The following NCAPG variants were observed in gnomAD, a reference collection of about 807,000 sequenced individuals.
NCAPG encodes non-SMC condensin I complex subunit G.
Under a neutral mutation model 113.1 loss-of-function variants are expected in NCAPG, and 69 were observed. The observed-to-expected ratio is 0.61, with a 90% CI of 0.50 to 0.75. The LOEUF (loss-of-function observed/expected upper bound fraction) is 0.75. Among genes scored for constraint, NCAPG ranks in the 30% least tolerant of loss-of-function variants. The pLI is 0.00. For missense variants in NCAPG, 1,058 were observed against 1,177.0 expected, an observed-to-expected ratio of 0.90 and a Z score of 1.48; for synonymous variants, 370 against 415.8, an observed-to-expected ratio of 0.89 and a Z score of 1.34.
At chr4:17,816,630 C>T (rs1224335185) in intron 5 of NCAPG, among the ~76,000 whole-genome samples, 1 of 152,116 alleles carries the variant, frequency 6.6e-6, no homozygotes, top group African/African-American at 2.4e-5. Context: ...AAATAGCAAT[C>T]GTGTAATAGA....
rs1044877138 is a variant in NCAPG, at chr4:17,844,273, C to A, written c.*848C>A. ...TGAAATTGACACTTGGCCTGACTTA[C>A]GAAACTTGTACTATATGAAATTGGT... On this transcript the variant is annotated 3_prime_UTR_variant, in exon 21 of 21. Transcript: ENST00000251496. 14 of 152,308 alleles carry A rather than the reference C, an allele frequency of 9.2e-5. No individual in the cohort carries two copies. Among genetic ancestry groups the A allele is most frequent in the African/African-American group, 3.1e-4 (13 of 41,428 alleles). 9.4% of individuals were successfully genotyped at this position (152,308 alleles called of 1,614,324 possible).
chr4:17,812,325 A>C lies in NCAPG; in HGVS notation c.216A>C (p.Ala72=). 6.2e-7 allele frequency: 1 copy of C among 1,613,834 alleles called. No homozygotes were observed. Among genetic ancestry groups the C allele is most frequent in the Non-Finnish European group, 8.5e-7 (1 of 1,179,838 alleles). The change falls in exon 2 of 21, where the codon GCA becomes GCC. Residue 72 remains alanine (A), a synonymous_variant. Coordinates refer to ENST00000251496, the MANE Select transcript of NCAPG (RefSeq NM_022346.5). ...CTGTGGAGAGGGTAATAGAATTTGC[A>C]GCAAAGTTTGTTACCTCATTTCACC... ...EPAVERVIEF[A]AKFVTSFHQS...
At position 17,843,485 on chromosome 4, in the gene NCAPG, A is replaced by C; in HGVS notation, c.*60A>C. On this transcript the variant is annotated 3_prime_UTR_variant, in exon 21 of 21. Transcript: ENST00000251496. ...GTCCAGTTATTTGCTTTAATAAAGA[A>C]GAAGTTACCCTTGTCAAAATCAGAA... 6.4e-7 allele frequency: 1 copy of C among 1,571,968 alleles called. No homozygotes were observed. The highest frequency in any genetic ancestry group is 8.7e-7 in the Non-Finnish European group (1 of 1,152,522).
Position 17,811,051 on chromosome 4 carries a change from G to T in NCAPG, c.-27G>T. The T allele has an allele frequency of 1.4e-6, 2 of 1,411,636 alleles. No individual in the cohort carries two copies. Among genetic ancestry groups the T allele is most frequent in the South Asian group, 1.4e-5 (1 of 72,106 alleles). 87.4% of individuals were successfully genotyped at this position (1,411,636 alleles called of 1,614,324 possible). ...GCAGGCTGTAGCCGAGCGCGGGCAG[G>T]ACTCGTCCCGGCAGGGTTCCAGAGC... On this transcript the variant is annotated 5_prime_UTR_variant, in exon 1 of 21. Transcript: ENST00000251496. This position sits in a 1 kb window ranked among gnomAD's most constrained non-coding sequence, Gnocchi z 5.3.
At position 17,817,975 on chromosome 4, in the gene NCAPG, T is replaced by G; in HGVS notation, c.1005T>G (p.Ile335Met). Residue 335 changes from isoleucine to methionine, a missense_variant, in exon 7 of 21, where the codon ATT becomes ATG. By Grantham distance (10) the Ile-to-Met change is conservative (BLOSUM62 1). Transcript: ENST00000251496. ...CAGTGGAAACATTAACTCCTGAAATTGCTTTGTATTGGTGTGCCCTTTGTG... is the reference window on the plus strand; with the variant it reads ...CAGTGGAAACATTAACTCCTGAAATGGCTTTGTATTGGTGTGCCCTTTGTG... ...LIPVETLTPE[I>M]ALYWCALCEY... is the part of the protein sequence containing the mutation. 2 of 1,605,194 alleles carry G rather than the reference T, an allele frequency of 1.2e-6. No homozygotes were observed. The highest frequency in any genetic ancestry group is 1.7e-6 in the Non-Finnish European group (2 of 1,177,654).
Position 17,814,812 on chromosome 4 carries a change from A to C in NCAPG, c.545-41A>C, listed in dbSNP as rs369489113. The C allele has an allele frequency of 4.5e-6, 7 of 1,572,114 alleles. No homozygotes were observed. In the African/African-American group the frequency reaches 8.1e-5, roughly 18 times the overall value. On this transcript the variant is annotated intron_variant, in intron 3 of 20. Transcript: ENST00000251496. The stretch of plus-strand genomic sequence containing the variant: ...GTTATTTTATGACTGTAGTTAAATA[A>C]ATAATTTCATCAGTACTAAAATGTA...
chr4:17,824,817 T>C, intron 9 of NCAPG, 151 bp from the exon 10 acceptor site: 1 of 496,180 alleles, frequency 2.0e-6, no homozygotes, highest in Non-Finnish European at 3.5e-6. Flanking sequence ...TCTAAAATTG[T>C]CTAGCAAACA....
In NCAPG at chr4:17,813,162, A is replaced by G. The variant is rs763377593; in HGVS notation, c.544+17A>G. On this transcript the variant is annotated intron_variant, in intron 3 of 20. Transcript: ENST00000251496. ...TGGTTAATGGTGTGTGTAGTTTCCT[A>G]AATCTTTTTTCAGATTTGTTGATTT... 6.4e-7 allele frequency: 1 copy of G among 1,567,282 alleles called. No homozygotes were observed. Among genetic ancestry groups the G allele is most frequent in the African/African-American group, 1.4e-5 (1 of 72,414 alleles).
chr4:17,824,754 C>T (rs1721591097), intron 9 of NCAPG, among the ~76,000 whole-genome samples: 1 of 151,844 alleles, frequency 6.6e-6, no homozygotes, highest in African/African-American at 2.4e-5. Flanking sequence ...TATTTCCCTT[C>T]CATTCAAATA....
intron 7 of NCAPG, among the ~76,000 whole-genome samples, chr4:17,822,559 C>T (rs1721500092): frequency 6.6e-6 from 1 of 152,056 alleles, no homozygotes; most frequent in Non-Finnish European, 1.5e-5. Flanking sequence ...TGCTTCTTGA[C>T]TTAAAGTGGG....
rs1221796570 is a variant in NCAPG at position 17,813,967 on chromosome 4, G to A, written c.544+822G>A. Among the ~76,000 whole-genome samples the A allele has an allele frequency of 3.9e-5, 6 of 152,026 alleles. No individual in the cohort carries two copies. In the South Asian group the frequency reaches 1.2e-3, roughly 32 times the overall value. ...TAAAAGATACCCATAATAATATTGTGTAAAACATAGGTATTTGATAGTCAA... is the reference window on the plus strand; with the variant it reads ...TAAAAGATACCCATAATAATATTGTATAAAACATAGGTATTTGATAGTCAA... On this transcript the variant is annotated intron_variant, in intron 3 of 20. Coordinates refer to ENST00000251496, the MANE Select transcript of NCAPG (RefSeq NM_022346.5).
chr4:17,835,576 TA>T (rs1231662958), intron 14 of NCAPG, among the ~76,000 whole-genome samples: 1 of 152,224 alleles, frequency 6.6e-6, no homozygotes, highest in African/African-American at 2.4e-5. Context: ...TCATCTAATT[TA>T]AAACATTGTC....
At chr4:17,831,974 T>C (rs959439229) in intron 13 of NCAPG, among the ~76,000 whole-genome samples, 2 of 152,120 alleles carry the variant, frequency 1.3e-5, no homozygotes, top group Non-Finnish European at 2.9e-5. Context: ...TTTTAGATTT[T>C]TGTGGGCCAT....
chr4:17,818,135 G>A (rs372066323), intron 7 of NCAPG, 47 bp downstream of exon 7: 1 of 1,543,880 alleles, frequency 6.5e-7, no homozygotes, highest in Non-Finnish European at 8.7e-7. Context: ...GTTGCTGCAT[G>A]TGTCAATCTC....
In NCAPG at chr4:17,843,655, G is replaced by A; in HGVS notation, c.*230G>A. On this transcript the variant is annotated 3_prime_UTR_variant, in exon 21 of 21. Transcript: ENST00000251496. ...ACACAGATTTATCACAATCTGAGGT[G>A]GGCCTAGGAATCTCATTTTTAAATA... is the stretch of plus-strand genomic sequence containing the variant. 1 of 339,034 alleles carries A rather than the reference G, an allele frequency of 2.9e-6. No homozygotes were observed. The highest frequency in any genetic ancestry group is 5.6e-6 in the Non-Finnish European group (1 of 179,434). The allele number at this position is 339,034 out of a possible 1,614,324, so 21.0% of individuals were successfully genotyped here.
intron 7 of NCAPG, among the ~76,000 whole-genome samples, chr4:17,819,407 A>T (rs1172200039): frequency 4.8e-5 from 7 of 145,202 alleles, no homozygotes; most frequent in East Asian, 2.0e-4. Flanking sequence ...TTTATGGTTT[A>T]TTTTTTTTTT....
chr4:17,827,985 G>C (rs990932798), intron 11 of NCAPG, among the ~76,000 whole-genome samples: 1 of 151,930 alleles, frequency 6.6e-6, no homozygotes, highest in Non-Finnish European at 1.5e-5. Context: ...GTTTTTAGTA[G>C]AGATGAAGTT....
chr4:17,812,739 A>G (rs1721048448), intron 2 of NCAPG, among the ~76,000 whole-genome samples, 178 bp from the exon 3 acceptor site: 1 of 152,204 alleles, frequency 6.6e-6, no homozygotes, highest in African/African-American at 2.4e-5. Flanking sequence ...TCATTTTGAG[A>G]CTGTATAAAA....
chr4:17,835,749 A>C lies in NCAPG; in HGVS notation c.2109+1226A>C, dbSNP rs1320735056. On this transcript the variant is annotated intron_variant, in intron 14 of 20. Coordinates refer to ENST00000251496, the MANE Select transcript of NCAPG (RefSeq NM_022346.5). ...TATGTGACCTCTGTTTAGCTTTTTA[A>C]ATTTAGCATAACATTTTCGAGATTC... Among the ~76,000 whole-genome samples the C allele has an allele frequency of 2.0e-5, 3 of 152,112 alleles. No individual in the cohort carries two copies. The East Asian group carries it at 5.8e-4, about 29-fold the overall frequency.
Sources: gnomAD v4.1 joint callset for allele counts (sites outside exome capture counted in the v4.1 genomes callset) on GRCh38, gnomAD v4.1.1 for gene constraint, Gnocchi (gnomAD v3.1) non-coding constraint, MANE v1.5 for transcripts, NCBI Gene and HGNC (gene_info 2026-07-23, HGNC 2026-07-21) for gene names.